The following CDH13 variants were observed in gnomAD, a reference collection of about 807,000 sequenced individuals.
CDH13 encodes cadherin 13.
In CDH13, 24 loss-of-function variants were observed where a neutral mutation model predicts 63.8. The ratio of observed to expected loss-of-function variants is 0.38; its 90% CI spans 0.27 to 0.53. The LOEUF is 0.53. CDH13 is among the 20% of genes least tolerant of loss of function. CDH13 has a pLI of 0.85. For synonymous variants in CDH13, 503 were observed against 355.3 expected (o/e 1.42, Z -4.67); for missense variants, 1,049 against 903.1 (o/e 1.16, Z -2.07).
At chr16:83,736,274 A>G (rs963741224) in intron 10 of CDH13, among the ~76,000 whole-genome samples, 1 of 152,170 alleles carries the variant, frequency 6.6e-6, no homozygotes. Context: ...TTCACCTAGG[A>G]TTGATAAGTG....
chr16:83,311,894 G>A (rs542503442), intron 5 of CDH13, among the ~76,000 whole-genome samples: 7 of 152,166 alleles, frequency 4.6e-5, no homozygotes, highest in African/African-American at 1.7e-4. Flanking sequence ...GACCAAAATG[G>A]AGAAACCCCG....
intron 1 of CDH13, among the ~76,000 whole-genome samples, chr16:82,742,208 T>A (rs547062460): frequency 4.7e-4 from 71 of 152,294 alleles, no homozygotes; most frequent in African/African-American, 1.7e-3. Flanking sequence ...GGGCTATTGT[T>A]AGTTACATCC....
At chr16:83,554,897 T>C (rs1256419120) in intron 7 of CDH13, among the ~76,000 whole-genome samples, 2 of 151,506 alleles carry the variant, frequency 1.3e-5, no homozygotes, top group African/African-American at 4.8e-5. Flanking sequence ...TGTATTCCCA[T>C]TGCAATGCCC....
chr16:83,409,457 A>G (rs953133168), intron 6 of CDH13, among the ~76,000 whole-genome samples: 5 of 152,224 alleles, frequency 3.3e-5, no homozygotes, highest in African/African-American at 1.2e-4. Context: ...GGGTATCAGC[A>G]GAGCCTGCTC....
At chr16:82,667,802 G>A (rs1302761390) in intron 1 of CDH13, among the ~76,000 whole-genome samples, 2 of 152,100 alleles carry the variant, frequency 1.3e-5, no homozygotes, top group African/African-American at 2.4e-5. Context: ...GAGCTTTTCT[G>A]TACCTCTGTC....
At chr16:83,144,916 T>C (rs1194230341) in intron 4 of CDH13, among the ~76,000 whole-genome samples, 1 of 152,162 alleles carries the variant, frequency 6.6e-6, no homozygotes, top group Non-Finnish European at 1.5e-5. Context: ...GGTAGGTTAA[T>C]GGAGACTGAG....
chr16:83,413,734 T>C (rs2092160460), intron 6 of CDH13, among the ~76,000 whole-genome samples: 1 of 152,164 alleles, frequency 6.6e-6, no homozygotes. Flanking sequence ...ATGCCTGTAA[T>C]CTCAGCACTT....
chr16:82,763,849 A>AT (rs1372986278), intron 1 of CDH13, among the ~76,000 whole-genome samples: 1 of 152,032 alleles, frequency 6.6e-6, no homozygotes, highest in Admixed American at 6.5e-5. Flanking sequence ...CGCCCAGGTA[A>AT]TTTTTTGTAG....
intron 6 of CDH13, among the ~76,000 whole-genome samples, chr16:83,357,559 G>T (rs1013030331): frequency 2.0e-5 from 3 of 152,146 alleles, no homozygotes; most frequent in African/African-American, 7.2e-5. Flanking sequence ...TGGAGCAGTG[G>T]TCCAAGTTTG....
At chr16:82,987,611 A>T (rs1911109777) in intron 2 of CDH13, among the ~76,000 whole-genome samples, 1 of 152,180 alleles carries the variant, frequency 6.6e-6, no homozygotes. Flanking sequence ...TCCTGACCTC[A>T]GGTGATCTGC....
intron 7 of CDH13, among the ~76,000 whole-genome samples, chr16:83,520,921 C>A (rs1229538576): frequency 6.6e-6 from 1 of 152,136 alleles, no homozygotes; most frequent in African/African-American, 2.4e-5. Flanking sequence ...CAATGGGCTG[C>A]CCCACCAAGA....
At chr16:83,645,014 T>TC in intron 8 of CDH13, among the ~76,000 whole-genome samples, 1 of 152,308 alleles carries the variant, frequency 6.6e-6, no homozygotes, top group Non-Finnish European at 1.5e-5. Flanking sequence ...CTAACCCCAT[T>TC]CCTGAGTTTC....
At chr16:83,760,618 TA>T (rs1488227499) in intron 11 of CDH13, among the ~76,000 whole-genome samples, 1 of 152,232 alleles carries the variant, frequency 6.6e-6, no homozygotes, top group South Asian at 2.1e-4. Flanking sequence ...TGCATTTATA[TA>T]AAGCTCAAAC....
intron 2 of CDH13, among the ~76,000 whole-genome samples, chr16:82,964,680 T>A (rs1055263744): frequency 5.3e-5 from 8 of 152,240 alleles, no homozygotes; most frequent in Non-Finnish European, 1.2e-4. Context: ...TTCCAGTGGT[T>A]AATAGAGGTC....
chr16:83,761,032 G>A (rs146191341), intron 11 of CDH13, among the ~76,000 whole-genome samples: 25 of 152,294 alleles, frequency 1.6e-4, no homozygotes, highest in African/African-American at 5.5e-4. Context: ...TGACACCATC[G>A]TTAACTTGCT....
intron 2 of CDH13, among the ~76,000 whole-genome samples, chr16:82,960,943 A>G (rs1035105824): frequency 6.6e-6 from 1 of 152,222 alleles, no homozygotes. Context: ...TAAAAAGGGT[A>G]ATACAAAATA....
intron 2 of CDH13, among the ~76,000 whole-genome samples, chr16:82,869,839 T>C (rs911385144): frequency 6.6e-6 from 1 of 152,080 alleles, no homozygotes; most frequent in African/African-American, 2.4e-5. Flanking sequence ...TCAAAATGAA[T>C]TAAAGACTTA....
intron 7 of CDH13, among the ~76,000 whole-genome samples, chr16:83,520,316 A>G (rs185910125): frequency 1.3e-5 from 2 of 152,310 alleles, no homozygotes; most frequent in East Asian, 1.9e-4. Context: ...TCAAGAAAAA[A>G]CAAAAAGGAT....
At chr16:83,087,642 C>G (rs568383304) in intron 3 of CDH13, among the ~76,000 whole-genome samples, 2 of 119,824 alleles carry the variant, frequency 1.7e-5, no homozygotes. Flanking sequence ...CACTCCAGCC[C>G]GGGCGACGAA....
Sources: allele counts gnomAD v4.1 joint callset (sites outside exome capture counted in the v4.1 genomes callset), GRCh38; gene constraint gnomAD v4.1.1; transcripts MANE v1.5; gene names NCBI Gene and HGNC (gene_info 2026-07-23, HGNC 2026-07-21).